The following PPM1H variants were observed in gnomAD, a reference collection of about 807,000 sequenced individuals.
PPM1H encodes protein phosphatase 1H.
A neutral mutation model predicts 54.9 loss-of-function variants in PPM1H; 27 were observed. That is an observed-to-expected ratio of 0.49 (90% CI 0.36 to 0.68). PPM1H has a LOEUF of 0.68. Ranked by LOEUF, PPM1H falls within the 30% of genes least tolerant of loss-of-function variation. The pLI is 0.00. For missense variants in PPM1H, 596 were observed against 667.8 expected (o/e 0.89, Z 1.19); for synonymous variants, 305 against 270.8 (o/e 1.13, Z -1.24).
intron 2 of PPM1H, among the ~76,000 whole-genome samples, chr12:62,828,421 G>A (rs1241316482): frequency 7.2e-5 from 11 of 152,192 alleles, no homozygotes; most frequent in African/African-American, 2.4e-4. Flanking sequence ...TGTCCAGAAC[G>A]ATAAATGCTC....
intron 1 of PPM1H, among the ~76,000 whole-genome samples, chr12:62,877,315 T>C (rs1304854032): frequency 6.6e-6 from 1 of 152,032 alleles, no homozygotes; most frequent in Non-Finnish European, 1.5e-5. Context: ...ACACAGACCA[T>C]GAGATAGTAT....
At chr12:62,703,303 CAGA>C (rs892517302) in intron 6 of PPM1H, among the ~76,000 whole-genome samples, 2 of 151,796 alleles carry the variant, frequency 1.3e-5, no homozygotes, top group African/African-American at 4.8e-5. Context: ...CTCAGATACT[CAGA>C]AGGATGCCTC....
Position 62,934,892 on chromosome 12 carries a change from G to A in PPM1H, c.-156C>T, listed in dbSNP as rs1488054114. ...GCGGCTCCCAGAGCCTAGTGCTGCAGGGGGCCGAGCCCCGGCCTCTCGTGC... is the reference window on the plus strand; with the variant it reads ...GCGGCTCCCAGAGCCTAGTGCTGCAAGGGGCCGAGCCCCGGCCTCTCGTGC... On this transcript the variant is annotated 5_prime_UTR_variant, in exon 1 of 10. Coordinates refer to ENST00000228705, the MANE Select transcript of PPM1H (RefSeq NM_020700.2). This position sits in a 1 kb window ranked among gnomAD's most constrained non-coding sequence, Gnocchi z 4.2. The A allele has an allele frequency of 1.6e-6, 1 of 624,164 alleles. No individual in the cohort carries two copies. The highest frequency in any genetic ancestry group is 4.7e-5 in the East Asian group (1 of 21,402). The allele number at this position is 624,164 out of a possible 1,614,324, so 38.7% of individuals were successfully genotyped here.
chr12:62,797,238 A>T (rs2076739733), intron 3 of PPM1H, among the ~76,000 whole-genome samples: 1 of 152,156 alleles, frequency 6.6e-6, no homozygotes, highest in South Asian at 2.1e-4. Flanking sequence ...ATATTGTGAC[A>T]CTCAGAATCT....
intron 2 of PPM1H, among the ~76,000 whole-genome samples, chr12:62,815,606 A>G (rs1453462091): frequency 1.3e-5 from 2 of 152,236 alleles, no homozygotes; most frequent in Non-Finnish European, 2.9e-5. Context: ...ATCCACTATT[A>G]GAAACAACAA....
At chr12:62,917,117 G>A (rs1374702160) in intron 1 of PPM1H, among the ~76,000 whole-genome samples, 4 of 152,196 alleles carry the variant, frequency 2.6e-5, no homozygotes, top group Middle Eastern at 3.2e-3. Context: ...AAGCCTCTGC[G>A]TCCTTTACTC....
intron 1 of PPM1H, among the ~76,000 whole-genome samples, chr12:62,841,021 T>A (rs1267902640): frequency 6.6e-6 from 1 of 151,742 alleles, no homozygotes; most frequent in African/African-American, 2.4e-5. Context: ...TGAAACCTGT[T>A]GGACATGGGT....
At chr12:62,648,740 A>G in intron 9 of PPM1H, 104 bp from the exon 10 acceptor site, 2 of 1,254,602 alleles carry the variant, frequency 1.6e-6, no homozygotes, top group Non-Finnish European at 2.2e-6. Flanking sequence ...TGTATAAATA[A>G]GTTTCAAATA....
chr12:62,752,381 C>T (rs924403834), intron 4 of PPM1H, among the ~76,000 whole-genome samples: 8 of 152,158 alleles, frequency 5.3e-5, no homozygotes, highest in Non-Finnish European at 7.3e-5. Context: ...TGTGACCTCA[C>T]TTAGGCTTTA....
At chr12:62,933,820 G>A (rs1872229206) in intron 1 of PPM1H, 1 of 152,072 alleles carries the variant, frequency 6.6e-6, no homozygotes, top group African/African-American at 2.4e-5. Context: ...TCACCAAAGC[G>A]GATTACCAAA....
At chr12:62,838,641 G>GGTTTCA (rs1555200369) in intron 1 of PPM1H, among the ~76,000 whole-genome samples, 2 of 102,612 alleles carry the variant, frequency 1.9e-5, no homozygotes, top group African/African-American at 1.0e-4. Flanking sequence ...AGCTTCTCTG[G>GGTTTCA]CCGGGCGCGG....
At chr12:62,879,345 A>G (rs1870306748) in intron 1 of PPM1H, among the ~76,000 whole-genome samples, 1 of 152,212 alleles carries the variant, frequency 6.6e-6, no homozygotes. Flanking sequence ...CACAATAGCA[A>G]AGACTTGGAA....
intron 9 of PPM1H, among the ~76,000 whole-genome samples, chr12:62,665,606 G>C (rs2075913508): frequency 6.6e-6 from 1 of 152,010 alleles, no homozygotes; most frequent in Non-Finnish European, 1.5e-5. Context: ...TCTTCAACTA[G>C]CTCTAATCTG....
At chr12:62,718,238 T>C (rs146834013) in intron 6 of PPM1H, among the ~76,000 whole-genome samples, 2 of 152,368 alleles carry the variant, frequency 1.3e-5, no homozygotes, top group Non-Finnish European at 2.9e-5. Flanking sequence ...GTGCTGTCAA[T>C]GACTTAACCT....
At chr12:62,876,242 G>C (rs1193796241) in intron 1 of PPM1H, among the ~76,000 whole-genome samples, 1 of 152,208 alleles carries the variant, frequency 6.6e-6, no homozygotes, top group Non-Finnish European at 1.5e-5. Flanking sequence ...AAATTTAGGA[G>C]ATGCTAGTTA....
At chr12:62,932,878 G>A in intron 1 of PPM1H, among the ~76,000 whole-genome samples, 1 of 151,664 alleles carries the variant, frequency 6.6e-6, no homozygotes, top group Non-Finnish European at 1.5e-5. Flanking sequence ...CACGTGATCC[G>A]CCCGCCTCGG....
At chr12:62,743,067 C>G (rs2076391145) in intron 4 of PPM1H, among the ~76,000 whole-genome samples, 1 of 152,104 alleles carries the variant, frequency 6.6e-6, no homozygotes, top group African/African-American at 2.4e-5. Context: ...TTAAAAAACT[C>G]AGGCCGGGCG....
intron 1 of PPM1H, among the ~76,000 whole-genome samples, chr12:62,848,260 T>C (rs898761500): frequency 6.6e-5 from 10 of 152,244 alleles, no homozygotes; most frequent in Non-Finnish European, 1.5e-4. Context: ...AACTCATTAA[T>C]TTATTCCAAA....
At position 62,815,187 on chromosome 12, in the gene PPM1H, C is replaced by CTTTTTT. The variant is rs10650338; in HGVS notation, c.412-13033_412-13028dup. On this transcript the variant is annotated intron_variant, in intron 2 of 9. Transcript: ENST00000228705. ...GCGTTGTTCGCTTTTTACCATACCTCTTTTTTTTTGACTAAATTGTTCGGA... is the reference window on the plus strand; with the variant it reads ...GCGTTGTTCGCTTTTTACCATACCTCTTTTTTTTTTTTTTTGACTAAATTGTTCGGA... Among the ~76,000 whole-genome samples the CTTTTTT allele has an allele frequency of 5.3e-5, 8 of 151,204 alleles. 1 individual carries two copies. Among genetic ancestry groups the CTTTTTT allele is most frequent in the African/African-American group, 1.9e-4 (8 of 41,072 alleles).
Sources: allele counts gnomAD v4.1 joint callset (sites outside exome capture counted in the v4.1 genomes callset), GRCh38; gene constraint gnomAD v4.1.1; non-coding constraint Gnocchi (gnomAD v3.1); transcripts MANE v1.5; gene names NCBI Gene and HGNC (gene_info 2026-07-23, HGNC 2026-07-21).